The following SH3BP5 variants were observed in gnomAD, a reference collection of about 807,000 sequenced individuals.
SH3BP5 encodes the protein SH3 domain binding protein 5, also known as SH3 domain-binding protein 5.
SH3BP5 carries 22 observed loss-of-function variants against 43.3 expected under a neutral mutation model. The observed-to-expected ratio is 0.51, with a 90% confidence interval of 0.36 to 0.73. The LOEUF (loss-of-function observed/expected upper bound fraction) is 0.73, where lower values mean the gene tolerates loss of function less well. Ranked by LOEUF, SH3BP5 falls within the 30% of genes least tolerant of loss-of-function variation. The pLI is 0.00. For missense variants in SH3BP5, 529 were observed against 586.9 expected (o/e 0.90, Z 1.02); for synonymous variants, 255 against 225.8 (o/e 1.13, Z -1.16).
intron 2 of SH3BP5, among the ~76,000 whole-genome samples, chr3:15,313,794 G>C (rs1459477294): frequency 6.6e-6 from 1 of 152,134 alleles, no homozygotes; most frequent in Admixed American, 6.5e-5. Context: ...GTGCAACTGA[G>C]TTTTGTATTT....
At chr3:15,257,270 T>A (rs1559422233) in intron 7 of SH3BP5, 157 bp from the exon 8 acceptor site, 1 of 712,332 alleles carries the variant, frequency 1.4e-6, no homozygotes, top group South Asian at 1.9e-5. Flanking sequence ...CAAGCCTGAA[T>A]GACCAGCCTC....
intron 3 of SH3BP5, among the ~76,000 whole-genome samples, chr3:15,295,320 A>G (rs896408251): frequency 6.6e-6 from 1 of 152,222 alleles, no homozygotes; most frequent in Non-Finnish European, 1.5e-5. Flanking sequence ...CGACATGCAC[A>G]GAGTGGTGAA....
chr3:15,318,768 C>T (rs114328204), intron 2 of SH3BP5, among the ~76,000 whole-genome samples: 126 of 152,270 alleles, frequency 8.3e-4, no homozygotes, highest in African/African-American at 2.7e-3. Flanking sequence ...GATAGGGTTT[C>T]GCCATGTTAG....
At chr3:15,332,614 C>T, upstream of SH3BP5, 1 of 1,187,266 alleles carries the variant, frequency 8.4e-7, no homozygotes, top group Non-Finnish European at 1.0e-6. Flanking sequence ...CCCCTTTCTG[C>T]CGCGGCAGTC....
At position 15,259,757 on chromosome 3, in the gene SH3BP5, A is replaced by T; in HGVS notation, c.669+4T>A. 6.2e-7 allele frequency: 1 copy of T among 1,614,094 alleles called. No individual in the cohort carries two copies. The highest frequency in any genetic ancestry group is 8.5e-7 in the Non-Finnish European group (1 of 1,179,948). On this transcript the variant is annotated splice_donor_region_variant and intron_variant, in intron 6 of 8. Coordinates refer to ENST00000383791, the MANE Select transcript of SH3BP5 (RefSeq NM_004844.5). ...TCAGTGACGAAGCCCAAAGCTACAC[A>T]TACCTCGAGCTGCACATAGTACTTT...
chr3:15,339,431 C>T (rs1698737834), intron 1 of SH3BP5, among the ~76,000 whole-genome samples: 1 of 151,936 alleles, frequency 6.6e-6, no homozygotes, highest in Non-Finnish European at 1.5e-5. Flanking sequence ...AAAAGAAGAG[C>T]CCAGGTGCGG....
intron 3 of SH3BP5, among the ~76,000 whole-genome samples, chr3:15,301,062 G>A (rs909028205): frequency 6.6e-6 from 1 of 152,184 alleles, no homozygotes; most frequent in African/African-American, 2.4e-5. Flanking sequence ...CTCCCAGCCA[G>A]CTCCCTCCTA....
intron 1 of SH3BP5, among the ~76,000 whole-genome samples, chr3:15,340,152 A>C (rs1698748976): frequency 6.6e-6 from 1 of 152,184 alleles, no homozygotes; most frequent in African/African-American, 2.4e-5. Context: ...AATAGGCAAG[A>C]TAGACAAAGA....
intron 3 of SH3BP5, among the ~76,000 whole-genome samples, chr3:15,285,387 C>G (rs774928102): frequency 9.2e-5 from 14 of 152,162 alleles, no homozygotes; most frequent in Non-Finnish European, 1.6e-4. Context: ...CTAACTCATT[C>G]CCCGCTCCGC....
chr3:15,269,877 C>A lies in SH3BP5; in HGVS notation c.331G>T (p.Ala111Ser), dbSNP rs1381118047. The A allele has an allele frequency of 2.6e-6, 4 of 1,533,182 alleles. No individual in the cohort carries two copies. The highest frequency in any genetic ancestry group is 4.7e-5 in the East Asian group (2 of 42,524). 95.0% of individuals were successfully genotyped at this position (1,533,182 alleles called of 1,614,324 possible). A position where few individuals can be genotyped will look rare whatever the true frequency, so the allele number is the denominator to read the frequency against. Reference sequence around the variant, plus strand: ...GTGGCTTTCTGAGCTTCCAGCTGAGCCTGTGTGAGAAAGAATCCTCATGAG... The same window carrying A: ...GTGGCTTTCTGAGCTTCCAGCTGAGACTGTGTGAGAAAGAATCCTCATGAG... The part of the protein sequence containing the change: ...YWEARRVARQ[A>S]QLEAQKATQD... The change falls in exon 4 of 9, where the codon GCT (alanine) becomes TCT (serine). Residue 111 changes from alanine to serine, a missense_variant and splice_region_variant. By Grantham distance (99) the Ala-to-Ser change is moderately conservative. This residue lies in a region of SH3BP5 where 85 missense variants were observed against 140.8 expected (regional missense o/e 0.60). Coordinates refer to ENST00000383791, the MANE Select transcript of SH3BP5 (RefSeq NM_004844.5).
At chr3:15,293,566 T>A (rs1016722481) in intron 3 of SH3BP5, among the ~76,000 whole-genome samples, 7 of 152,208 alleles carry the variant, frequency 4.6e-5, no homozygotes, top group Admixed American at 2.0e-4. Context: ...ACTGCACCAA[T>A]GAGCTCAAAA....
chr3:15,287,054 C>T (rs755122303), intron 3 of SH3BP5, among the ~76,000 whole-genome samples: 6 of 152,206 alleles, frequency 3.9e-5, no homozygotes, highest in Non-Finnish European at 7.3e-5. Context: ...TGAGTACTTT[C>T]TTACTTCTCT....
chr3:15,259,820 G>C lies in SH3BP5; in HGVS notation c.627-17C>G. The C allele has an allele frequency of 6.2e-7, 1 of 1,612,982 alleles. No individual in the cohort carries two copies. The highest frequency in any genetic ancestry group is 8.5e-7 in the Non-Finnish European group (1 of 1,178,932). The stretch of plus-strand genomic sequence containing the variant: ...AAATAAGGCCTGCAGAAGACAGGAA[G>C]GAAAGCCATCAGAGTAATATAATAC... On this transcript the variant is annotated splice_polypyrimidine_tract_variant and intron_variant, in intron 5 of 8. Transcript: ENST00000383791.
In SH3BP5 at chr3:15,256,214, TGCTGCCACC is replaced by T. The variant is rs771431891; in HGVS notation, c.1231_1239del (p.Gly411_Ser413del). 1.9e-6 allele frequency: 3 copies of T among 1,614,096 alleles called. No individual in the cohort carries two copies. The highest frequency in any genetic ancestry group is 2.7e-5 in the African/African-American group (2 of 74,934). ...GGGGAGGTGCTGCTTTGGCTCTTAC[TGCTGCCACC>T]ACTGCCACTGCTACTGCTGAGGCCC... is the stretch of plus-strand genomic sequence containing the variant. On this transcript the variant is annotated inframe_deletion, in exon 9 of 9. Coordinates refer to ENST00000383791, the MANE Select transcript of SH3BP5 (RefSeq NM_004844.5).
At chr3:15,299,042 A>AG (rs1697656452) in intron 3 of SH3BP5, among the ~76,000 whole-genome samples, 1 of 152,200 alleles carries the variant, frequency 6.6e-6, no homozygotes, top group African/African-American at 2.4e-5. Context: ...CTTAAAGAGG[A>AG]GAAAAAGAAG....
At chr3:15,277,588 C>G (rs974209461) in intron 3 of SH3BP5, among the ~76,000 whole-genome samples, 3 of 152,128 alleles carry the variant, frequency 2.0e-5, no homozygotes, top group African/African-American at 7.2e-5. Context: ...CTCCTACCCC[C>G]CACCACACAG....
upstream of SH3BP5, among the ~76,000 whole-genome samples, chr3:15,335,833 A>G (rs755291600): frequency 1.3e-5 from 2 of 152,204 alleles, no homozygotes; most frequent in African/African-American, 4.8e-5. Context: ...TACCTCTGGG[A>G]AAAAGGGAGC....
chr3:15,312,793 C>T (rs1296424495), intron 2 of SH3BP5, among the ~76,000 whole-genome samples: 1 of 152,112 alleles, frequency 6.6e-6, no homozygotes, highest in East Asian at 1.9e-4. Context: ...GAAAACAATC[C>T]ACCAGAAACA....
intron 1 of SH3BP5, among the ~76,000 whole-genome samples, chr3:15,338,722 C>T (rs866044016): frequency 6.6e-6 from 1 of 150,552 alleles, no homozygotes; most frequent in Non-Finnish European, 1.5e-5. Flanking sequence ...TAGCAAGGTC[C>T]CCCGAAAAAA....
Sources: allele counts gnomAD v4.1 joint callset (sites outside exome capture counted in the v4.1 genomes callset), GRCh38; gene constraint gnomAD v4.1.1; regional missense constraint gnomAD v4.1.1; transcripts MANE v1.5; gene names NCBI Gene and HGNC (gene_info 2026-07-23, HGNC 2026-07-21).